The following ZFP91 variants were observed in gnomAD, a reference collection of about 807,000 sequenced individuals.
The protein encoded by ZFP91 is E3 ubiquitin-protein ligase ZFP91.
In ZFP91, 7 loss-of-function variants were observed where a neutral mutation model predicts 63.5. That is an observed-to-expected ratio of 0.11 (90% CI 0.06 to 0.21). The LOEUF (loss-of-function observed/expected upper bound fraction) is 0.21, where lower values mean the gene tolerates loss of function less well. Among genes scored for constraint, ZFP91 ranks in the 10% least tolerant of loss-of-function variants. The probability of loss-of-function intolerance (pLI) is 1.00; values close to 1 mark genes in which losing one functional copy is unlikely to be tolerated. For missense variants in ZFP91, 628 were observed against 736.6 expected (o/e 0.85, Z 1.71); for synonymous variants, 330 against 272.1 (o/e 1.21, Z -2.10).
intron 2 of ZFP91, among the ~76,000 whole-genome samples, chr11:58,588,348 G>A (rs1051179071): frequency 2.6e-5 from 4 of 152,132 alleles, no homozygotes; most frequent in East Asian, 1.9e-4. Context: ...GAGCTTAACT[G>A]TTAAGTATTT....
intron 1 of ZFP91, among the ~76,000 whole-genome samples, chr11:58,581,351 T>C (rs1222560625): frequency 6.6e-6 from 1 of 152,234 alleles, no homozygotes; most frequent in Non-Finnish European, 1.5e-5. Context: ...TCTAAAATGG[T>C]ACCTGCTGTT....
intron 2 of ZFP91, among the ~76,000 whole-genome samples, chr11:58,590,453 T>A (rs1217996296): frequency 6.6e-6 from 1 of 152,186 alleles, no homozygotes; most frequent in Non-Finnish European, 1.5e-5. Flanking sequence ...ATGGTGGTTG[T>A]GGCGCAGTGT....
At chr11:58,612,039 ATTGCATAGTT>A in intron 6 of ZFP91, 1 of 550,436 alleles carries the variant, frequency 1.8e-6, no homozygotes, top group Non-Finnish European at 3.2e-6. Flanking sequence ...CTTTCATAGT[ATTGCATAGTT>A]TATGGAAGGT....
intron 1 of ZFP91, 49 bp from the exon 2 acceptor site, chr11:58,584,807 A>T (rs900704605): frequency 3.6e-5 from 54 of 1,482,698 alleles, no homozygotes; most frequent in Non-Finnish European, 4.5e-5. Context: ...TTATATTTTC[A>T]GAAAATGTGC....
At position 58,610,004 on chromosome 11, in the gene ZFP91, G is replaced by C. The variant is rs143855831; in HGVS notation, c.545G>C (p.Cys182Ser). 6.2e-6 allele frequency: 10 copies of C among 1,614,184 alleles called. No individual in the cohort carries two copies. The highest frequency in any genetic ancestry group is 8.5e-6 in the Non-Finnish European group (10 of 1,180,028). ...RSKTGSLQLI[C>S]KSEPNTDQLD... Reference sequence around the variant, plus strand: ...AAGACCGGTTCATTGCAGCTCATTTGCAAGTCAGAACCAAATACAGACCAA... The same window carrying C: ...AAGACCGGTTCATTGCAGCTCATTTCCAAGTCAGAACCAAATACAGACCAA... Residue 182 changes from cysteine (C) to serine (S), a missense_variant, in exon 3 of 11, where the codon TGC becomes TCC. By Grantham distance (112) the Cys-to-Ser change is moderately radical. This residue lies in a region of ZFP91 where 437 missense variants were observed against 380.3 expected (regional missense o/e 1.15). Transcript: ENST00000316059.
intron 2 of ZFP91, among the ~76,000 whole-genome samples, chr11:58,600,675 G>A (rs961609767): frequency 1.3e-5 from 2 of 152,016 alleles, no homozygotes; most frequent in African/African-American, 4.8e-5. Context: ...TACTTGGCTA[G>A]AACTTCCAGT....
chr11:58,610,382 A>G (rs763819630), intron 4 of ZFP91, 48 bp downstream of exon 4: 37 of 1,498,930 alleles, frequency 2.5e-5, no homozygotes, highest in Non-Finnish European at 3.1e-5. Context: ...GGGACATAGC[A>G]TAGTCACAGT....
At chr11:58,613,556 C>T (rs1016388476) in intron 8 of ZFP91, among the ~76,000 whole-genome samples, 2 of 152,066 alleles carry the variant, frequency 1.3e-5, no homozygotes, top group African/African-American at 4.8e-5. Flanking sequence ...TACAGTAATT[C>T]CCAATGTGGT....
At chr11:58,602,802 G>C (rs1855511849) in intron 2 of ZFP91, among the ~76,000 whole-genome samples, 1 of 152,136 alleles carries the variant, frequency 6.6e-6, no homozygotes, top group African/African-American at 2.4e-5. Context: ...CATAGCTTTG[G>C]GATTGGGTAA....
At chr11:58,582,673 T>A (rs1345101033) in intron 1 of ZFP91, among the ~76,000 whole-genome samples, 1 of 152,226 alleles carries the variant, frequency 6.6e-6, no homozygotes, top group Non-Finnish European at 1.5e-5. Flanking sequence ...GTGCAGTAAG[T>A]GGCCTTGAGC....
rs747299122 is a variant in ZFP91 at position 58,579,548 on chromosome 11, C to G, written c.267C>G (p.Pro89=). ...RRRSSPSARP[P]DVPGQQPQAA... ...GGAGCAGCCCCAGCGCCAGGCCTCCCGACGTCCCCGGGCAGCAGCCCCAGG... is the reference window on the plus strand; with the variant it reads ...GGAGCAGCCCCAGCGCCAGGCCTCCGGACGTCCCCGGGCAGCAGCCCCAGG... The change falls in exon 1 of 11, where the codon CCC becomes CCG. Residue 89 remains proline, a synonymous_variant. Transcript: ENST00000316059. 41 of 1,582,634 alleles carry G rather than the reference C, an allele frequency of 2.6e-5. No individual in the cohort carries two copies. Among genetic ancestry groups the G allele is most frequent in the Non-Finnish European group, 3.4e-5 (40 of 1,168,350 alleles).
At chr11:58,613,266 A>T (rs1855696170) in intron 8 of ZFP91, among the ~76,000 whole-genome samples, 1 of 152,306 alleles carries the variant, frequency 6.6e-6, no homozygotes, top group African/African-American at 2.4e-5. Flanking sequence ...AGAGCCTTTT[A>T]ACTGTGTCAG....
At position 58,618,312 on chromosome 11, in the gene ZFP91, G is replaced by T; in HGVS notation, c.*606G>T. 1 of 187,810 alleles carries T rather than the reference G, an allele frequency of 5.3e-6. No homozygotes were observed. The highest frequency in any genetic ancestry group is 1.1e-5 in the Non-Finnish European group (1 of 90,376). 11.6% of individuals were successfully genotyped at this position (187,810 alleles called of 1,614,324 possible). Reference sequence around the variant, plus strand: ...GGGTTTCAGAAAGGAAGGATATATGGGGACCACCTCCCCCTTCTTTGATCC... The same window carrying T: ...GGGTTTCAGAAAGGAAGGATATATGTGGACCACCTCCCCCTTCTTTGATCC... On this transcript the variant is annotated 3_prime_UTR_variant, in exon 11 of 11. Transcript: ENST00000316059.
chr11:58,613,479 C>T (rs2134422454), intron 8 of ZFP91, among the ~76,000 whole-genome samples: 1 of 152,272 alleles, frequency 6.6e-6, no homozygotes, highest in South Asian at 2.1e-4. Flanking sequence ...ATAGCACCTC[C>T]TGTTTAAAAA....
intron 2 of ZFP91, among the ~76,000 whole-genome samples, chr11:58,589,805 G>C (rs1049933717): frequency 1.3e-5 from 2 of 152,042 alleles, no homozygotes; most frequent in Admixed American, 1.3e-4. Flanking sequence ...ACCTCCTTTG[G>C]TTCTTTTCCA....
In ZFP91 at chr11:58,621,371, C is replaced by T. The variant is rs1010568156; in HGVS notation, c.*3665C>T. ...CCTGATAATGACAAAACCTTGATAG[C>T]ATTTAATATTAATACTTCTTCTCAA... On this transcript the variant is annotated 3_prime_UTR_variant, in exon 11 of 11. Coordinates refer to ENST00000316059, the MANE Select transcript of ZFP91 (RefSeq NM_053023.5). 2.6e-5 allele frequency among the ~76,000 whole-genome samples: 4 copies of T among 152,150 alleles called. No homozygotes were observed. The highest frequency in any genetic ancestry group is 4.4e-5 in the Non-Finnish European group (3 of 68,032).
chr11:58,612,367 C>T, intron 7 of ZFP91, 39 bp downstream of exon 7: 1 of 1,593,640 alleles, frequency 6.3e-7, no homozygotes, highest in Non-Finnish European at 8.6e-7. Flanking sequence ...CACCTTATTC[C>T]AGTACCAGGC....
chr11:58,582,586 C>T (rs894838396), intron 1 of ZFP91, among the ~76,000 whole-genome samples: 1 of 152,138 alleles, frequency 6.6e-6, no homozygotes, highest in African/African-American at 2.4e-5. Context: ...AACCTCTGTT[C>T]CCATTGGAAG....
Position 58,620,588 on chromosome 11 carries a change from G to A in ZFP91, c.*2882G>A, listed in dbSNP as rs1272566647. ...TAGGCAAACACTGGCCATGGCCGTG[G>A]GAGTACTGGGAGTAAAATAAAAATA... On this transcript the variant is annotated 3_prime_UTR_variant, in exon 11 of 11. Coordinates refer to ENST00000316059, the MANE Select transcript of ZFP91 (RefSeq NM_053023.5). The A allele has an allele frequency of 6.6e-6, 1 of 152,508 alleles. No individual in the cohort carries two copies. Among genetic ancestry groups the A allele is most frequent in the Non-Finnish European group, 1.5e-5 (1 of 68,018 alleles). The allele number at this position is 152,508 out of a possible 1,614,324, so 9.4% of individuals were successfully genotyped here.
Sources: allele counts gnomAD v4.1 joint callset (sites outside exome capture counted in the v4.1 genomes callset), GRCh38; gene constraint gnomAD v4.1.1; regional missense constraint gnomAD v4.1.1; transcripts MANE v1.5; gene names NCBI Gene and HGNC (gene_info 2026-07-23, HGNC 2026-07-21).